The following ADGRB3 variants were observed in gnomAD, a reference collection of about 807,000 sequenced individuals.
The protein encoded by ADGRB3 is brain-specific angiogenesis inhibitor 3.
ADGRB3 carries 37 observed loss-of-function variants against 193.4 expected under a neutral mutation model. The ratio of observed to expected loss-of-function variants is 0.19; its 90% CI spans 0.15 to 0.25. The LOEUF (loss-of-function observed/expected upper bound fraction) is 0.25, where lower values mean the gene tolerates loss of function less well. Among genes scored for constraint, ADGRB3 ranks in the 10% least tolerant of loss-of-function variants. ADGRB3 has a pLI of 1.00. For missense variants in ADGRB3, 1,637 were observed against 1,852.9 expected (o/e 0.88, Z 2.14); for synonymous variants, 690 against 644.2 (o/e 1.07, Z -1.08).
intron 13 of ADGRB3, among the ~76,000 whole-genome samples, chr6:69,018,818 A>G (rs546666594): frequency 1.2e-4 from 18 of 151,938 alleles, no homozygotes; most frequent in Admixed American, 1.1e-3. Context: ...TATCTAATCT[A>G]GTTATGAATG....
chr6:68,661,452 CATATAT>C (rs1257398915), intron 3 of ADGRB3, among the ~76,000 whole-genome samples: 1 of 81,778 alleles, frequency 1.2e-5, no homozygotes, highest in Non-Finnish European at 2.6e-5. Context: ...TGTGTGTATA[CATATAT>C]ATGTGTGTAT....
intron 17 of ADGRB3, among the ~76,000 whole-genome samples, chr6:69,092,516 G>T (rs569749500): frequency 2.1e-4 from 32 of 152,228 alleles, no homozygotes; most frequent in African/African-American, 7.7e-4. Context: ...TATCCAAAAA[G>T]ACTTTGGAGA....
In ADGRB3 at chr6:68,646,475, C is replaced by CAA. The variant is rs368034374; in HGVS notation, c.757+7060_757+7061dup. ...CTGGCCAACAAGAGCGAAACTCTGT[C>CAA]AAAAAAAAAAAAAAAAAAGAAAAAA... On this transcript the variant is annotated intron_variant, in intron 3 of 31. Coordinates refer to ENST00000370598, the MANE Select transcript of ADGRB3 (RefSeq NM_001704.3). Among the ~76,000 whole-genome samples the CAA allele has an allele frequency of 6.3e-3, 682 of 107,544 alleles. 2 individuals are homozygous for CAA. Among genetic ancestry groups the CAA allele is most frequent in the East Asian group, 0.015 (62 of 4,128 alleles). The allele number at this position is 107,544 out of a possible 152,430, so 70.6% of individuals were successfully genotyped here.
chr6:69,106,824 A>G (rs1234092699), intron 17 of ADGRB3, among the ~76,000 whole-genome samples: 1 of 152,220 alleles, frequency 6.6e-6, no homozygotes, highest in Non-Finnish European at 1.5e-5. Flanking sequence ...AAATAACTGA[A>G]GGCAAATCAC....
At chr6:69,154,281 C>T (rs980800583) in intron 17 of ADGRB3, among the ~76,000 whole-genome samples, 4 of 152,108 alleles carry the variant, frequency 2.6e-5, no homozygotes, top group African/African-American at 9.7e-5. Context: ...ACATAATTTG[C>T]CCTGGCTTTT....
At chr6:69,351,180 G>A (rs959192650) in intron 26 of ADGRB3, among the ~76,000 whole-genome samples, 8 of 148,848 alleles carry the variant, frequency 5.4e-5, no homozygotes, top group Admixed American at 4.1e-4. Flanking sequence ...TGCAACCTTC[G>A]CCTCCCGAGT....
At chr6:68,994,007 A>G (rs939673884) in intron 11 of ADGRB3, 45 bp downstream of exon 11, 5 of 1,590,228 alleles carry the variant, frequency 3.1e-6, no homozygotes, top group Non-Finnish European at 3.4e-6. Flanking sequence ...TGAAGATGCA[A>G]TCAGTTTTTG....
chr6:69,273,634 G>A (rs1299466301), intron 20 of ADGRB3, among the ~76,000 whole-genome samples: 2 of 152,178 alleles, frequency 1.3e-5, no homozygotes, highest in Non-Finnish European at 2.9e-5. Context: ...TTTTGGGAAT[G>A]TTTACATGCT....
chr6:69,161,376 A>G (rs1026553243), intron 17 of ADGRB3, among the ~76,000 whole-genome samples: 1 of 152,058 alleles, frequency 6.6e-6, no homozygotes, highest in Non-Finnish European at 1.5e-5. Flanking sequence ...TCAAAAAAGA[A>G]CCATAGAAAG....
chr6:68,765,938 AT>A (rs535042244), intron 3 of ADGRB3, among the ~76,000 whole-genome samples: 206 of 152,088 alleles, frequency 1.4e-3, no homozygotes, highest in Admixed American at 2.6e-3. Context: ...AAAATGTTTT[AT>A]TTATTCAGTT....
chr6:69,366,671 T>C (rs1202325421), intron 29 of ADGRB3, among the ~76,000 whole-genome samples: 1 of 152,138 alleles, frequency 6.6e-6, no homozygotes, highest in Non-Finnish European at 1.5e-5. Context: ...TTGATTCTCT[T>C]AGCTGTCAGT....
intron 17 of ADGRB3, among the ~76,000 whole-genome samples, chr6:69,137,395 A>C (rs1036992080): frequency 1.3e-5 from 2 of 151,984 alleles, no homozygotes; most frequent in East Asian, 3.9e-4. Flanking sequence ...ATCTGGATGG[A>C]CCAGCTGATG....
intron 17 of ADGRB3, among the ~76,000 whole-genome samples, chr6:69,086,727 A>G (rs1772561051): frequency 6.6e-6 from 1 of 152,168 alleles, no homozygotes; most frequent in Non-Finnish European, 1.5e-5. Context: ...ATTTATTTAA[A>G]GAAATAACAT....
At chr6:68,731,758 C>G (rs1245161807) in intron 3 of ADGRB3, among the ~76,000 whole-genome samples, 1 of 150,924 alleles carries the variant, frequency 6.6e-6, no homozygotes, top group Non-Finnish European at 1.5e-5. Flanking sequence ...TATTTCACTC[C>G]AAGGATAAGA....
At chr6:68,974,950 G>A (rs1248268869) in intron 9 of ADGRB3, 86 bp downstream of exon 9, 5 of 1,177,846 alleles carry the variant, frequency 4.2e-6, no homozygotes, top group Non-Finnish European at 4.9e-6. Flanking sequence ...TCATGTTTTT[G>A]TCTTATATCC....
chr6:68,662,326 T>G (rs893598922), intron 3 of ADGRB3, among the ~76,000 whole-genome samples: 3 of 151,526 alleles, frequency 2.0e-5, no homozygotes, highest in African/African-American at 7.3e-5. Flanking sequence ...TTTTCAGAGG[T>G]AAATTTATTT....
intron 13 of ADGRB3, among the ~76,000 whole-genome samples, chr6:69,021,792 T>G (rs1159113837): frequency 6.6e-6 from 1 of 151,910 alleles, no homozygotes; most frequent in Non-Finnish European, 1.5e-5. Context: ...GAAGCTTCTT[T>G]TTTTCTGAAA....
chr6:69,174,102 A>T (rs1401942516), intron 17 of ADGRB3, among the ~76,000 whole-genome samples: 2 of 152,176 alleles, frequency 1.3e-5, no homozygotes, highest in African/African-American at 4.8e-5. Flanking sequence ...TTAAAAAATA[A>T]TTTCAACTTT....
At chr6:69,190,734 G>T (rs1765169365) in intron 17 of ADGRB3, among the ~76,000 whole-genome samples, 1 of 152,064 alleles carries the variant, frequency 6.6e-6, no homozygotes, top group Non-Finnish European at 1.5e-5. Context: ...GCAACTTCCA[G>T]TCCTGCAAGC....
Sources: allele counts gnomAD v4.1 joint callset (sites outside exome capture counted in the v4.1 genomes callset), GRCh38; gene constraint gnomAD v4.1.1; transcripts MANE v1.5; gene names NCBI Gene and HGNC (gene_info 2026-07-23, HGNC 2026-07-21).